The following CADPS variants were observed in gnomAD, a reference collection of about 807,000 sequenced individuals.
CADPS encodes the protein calcium dependent secretion activator, also known as calcium-dependent secretion activator 1.
Under a neutral mutation model 167.3 loss-of-function variants are expected in CADPS, and 57 were observed. The observed-to-expected ratio is 0.34, with a 90% CI of 0.28 to 0.42. CADPS has a LOEUF of 0.42. Among genes scored for constraint, CADPS ranks in the 20% least tolerant of loss-of-function variants. The pLI, the probability that CADPS is intolerant of heterozygous loss-of-function variation, is 1.00. For missense variants in CADPS, 1,414 were observed against 1,738.1 expected (o/e 0.81, Z 3.32); for synonymous variants, 676 against 635.3 (o/e 1.06, Z -0.96).
At chr3:62,613,917 C>A (rs1253685840) in intron 6 of CADPS, among the ~76,000 whole-genome samples, 2 of 152,096 alleles carry the variant, frequency 1.3e-5, no homozygotes, top group Non-Finnish European at 2.9e-5. Flanking sequence ...GAGGAGAGAT[C>A]TCTCTCTATG....
At chr3:62,631,920 G>T (rs908480934) in intron 6 of CADPS, among the ~76,000 whole-genome samples, 6 of 152,206 alleles carry the variant, frequency 3.9e-5, no homozygotes, top group African/African-American at 1.4e-4. Flanking sequence ...CGGTATATAG[G>T]ATGATGGAGG....
intron 3 of CADPS, among the ~76,000 whole-genome samples, chr3:62,706,666 A>G (rs1302794756): frequency 3.3e-5 from 5 of 152,060 alleles, no homozygotes; most frequent in Non-Finnish European, 7.4e-5. Context: ...GGCTTGCAGA[A>G]TTAACACCCT....
intron 3 of CADPS, among the ~76,000 whole-genome samples, chr3:62,744,513 G>A (rs2081025328): frequency 6.6e-6 from 1 of 152,178 alleles, no homozygotes; most frequent in South Asian, 2.1e-4. Context: ...TTATTAGCAT[G>A]GGGAATCTGG....
chr3:62,604,246 C>T (rs1489156504), intron 6 of CADPS, among the ~76,000 whole-genome samples: 2 of 152,190 alleles, frequency 1.3e-5, no homozygotes. Flanking sequence ...TCTTGGGCTT[C>T]TGCTCCAGTA....
At chr3:62,758,389 C>T (rs933820781) in intron 2 of CADPS, among the ~76,000 whole-genome samples, 1 of 152,130 alleles carries the variant, frequency 6.6e-6, no homozygotes, top group Non-Finnish European at 1.5e-5. Flanking sequence ...AGATGAATTG[C>T]CCAATGGAGA....
intron 24 of CADPS, chr3:62,470,640 T>A (rs1329105879): frequency 6.6e-6 from 1 of 152,238 alleles, no homozygotes; most frequent in African/African-American, 2.4e-5. Context: ...TCTCAGCCAC[T>A]TGGCATTCAA....
intron 28 of CADPS, among the ~76,000 whole-genome samples, chr3:62,408,062 A>G (rs1177011669): frequency 6.6e-6 from 1 of 152,200 alleles, no homozygotes; most frequent in African/African-American, 2.4e-5. Flanking sequence ...TATGTGACAG[A>G]AAGACATTTT....
intron 3 of CADPS, among the ~76,000 whole-genome samples, chr3:62,719,242 T>C (rs542221592): frequency 7.9e-5 from 12 of 152,320 alleles, no homozygotes; most frequent in African/African-American, 2.2e-4. Flanking sequence ...CCATACAGAC[T>C]TTCTTTCAAC....
rs139905497 is a variant in CADPS, at chr3:62,642,612, T to A, written c.1325+3110A>T. Among the ~76,000 whole-genome samples the A allele has an allele frequency of 6.2e-4, 94 of 152,194 alleles. 1 individual carries two copies. In the East Asian group the frequency reaches 0.017, roughly 28 times the overall value. On this transcript the variant is annotated intron_variant, in intron 6 of 29. Coordinates refer to ENST00000383710, the MANE Select transcript of CADPS (RefSeq NM_003716.4). Reference sequence around the variant, plus strand: ...AAACAGGCTCGTTCATGCTACCAGATAAAACTGGAGGCAAGCCAGGTGCAG... The same window carrying A: ...AAACAGGCTCGTTCATGCTACCAGAAAAAACTGGAGGCAAGCCAGGTGCAG...
At chr3:62,559,272 G>A (rs553975009) in intron 9 of CADPS, among the ~76,000 whole-genome samples, 3 of 152,126 alleles carry the variant, frequency 2.0e-5, no homozygotes, top group Non-Finnish European at 4.4e-5. Context: ...AGTCTCATAA[G>A]CAAAATCTGC....
intron 3 of CADPS, among the ~76,000 whole-genome samples, chr3:62,744,642 T>C (rs940741834): frequency 2.0e-5 from 3 of 152,250 alleles, no homozygotes; most frequent in Non-Finnish European, 4.4e-5. Flanking sequence ...ATATTATTTT[T>C]GTATGTATCT....
At chr3:62,691,320 T>C (rs986765259) in intron 3 of CADPS, among the ~76,000 whole-genome samples, 3 of 151,924 alleles carry the variant, frequency 2.0e-5, no homozygotes, top group African/African-American at 7.3e-5. Context: ...ATGTAAACCA[T>C]GGACTTTGGG....
At chr3:62,848,328 G>T (rs2077881028) in intron 1 of CADPS, among the ~76,000 whole-genome samples, 1 of 80,664 alleles carries the variant, frequency 1.2e-5, no homozygotes, top group African/African-American at 6.1e-5. Context: ...CATTGCTTTT[G>T]GTGTTTTGGA....
At chr3:62,626,154 C>T (rs757944422) in intron 6 of CADPS, 5 of 170,276 alleles carry the variant, frequency 2.9e-5, no homozygotes, top group African/African-American at 9.7e-5. Flanking sequence ...ATGTTCTCTT[C>T]CCCTGAAGCT....
At chr3:62,436,529 A>G (rs1422630029) in intron 28 of CADPS, among the ~76,000 whole-genome samples, 2 of 152,170 alleles carry the variant, frequency 1.3e-5, no homozygotes, top group East Asian at 1.9e-4. Flanking sequence ...TTCAATGCCT[A>G]TTGGATGGTG....
intron 3 of CADPS, among the ~76,000 whole-genome samples, chr3:62,734,142 G>A (rs1348220126): frequency 1.3e-5 from 2 of 152,064 alleles, no homozygotes; most frequent in Non-Finnish European, 1.5e-5. Context: ...CTAAAAGGGC[G>A]AGCTTTATGG....
chr3:62,547,380 T>C lies in CADPS; in HGVS notation c.1966+2523A>G, dbSNP rs185549216. 7.9e-5 allele frequency among the ~76,000 whole-genome samples: 12 copies of C among 152,270 alleles called. No homozygotes were observed. In the East Asian group the frequency reaches 2.3e-3, roughly 29 times the overall value. On this transcript the variant is annotated intron_variant, in intron 11 of 29. Coordinates refer to ENST00000383710, the MANE Select transcript of CADPS (RefSeq NM_003716.4). ...ACACAGTCTCCATAGCTGATTGTAG[T>C]GGCTTGTTCTTTTAGAACCTGGTAG...
In CADPS at chr3:62,805,450, G is replaced by T. The variant is rs544954843; in HGVS notation, c.442-39466C>A. Among the ~76,000 whole-genome samples the T allele has an allele frequency of 3.9e-5, 6 of 152,240 alleles. No homozygotes were observed. In the East Asian group the frequency reaches 1.2e-3, roughly 29 times the overall value. On this transcript the variant is annotated intron_variant, in intron 1 of 29. Transcript: ENST00000383710. Reference sequence around the variant, plus strand: ...GGGATTGGTCTGATTTCACACTGGGGTTGGTCTGACTTCAAATCTTACCTC... The same window carrying T: ...GGGATTGGTCTGATTTCACACTGGGTTTGGTCTGACTTCAAATCTTACCTC...
intron 8 of CADPS, among the ~76,000 whole-genome samples, chr3:62,576,366 A>G (rs750556107): frequency 6.6e-6 from 1 of 152,134 alleles, no homozygotes; most frequent in Non-Finnish European, 1.5e-5. Flanking sequence ...ATAACCTAAC[A>G]GTTACTTTAT....
Sources: allele counts gnomAD v4.1 joint callset (sites outside exome capture counted in the v4.1 genomes callset), GRCh38; gene constraint gnomAD v4.1.1; transcripts MANE v1.5; gene names NCBI Gene and HGNC (gene_info 2026-07-23, HGNC 2026-07-21).